CNOT2: variants seen among roughly 807,000 people sequenced by gnomAD.
CNOT2 encodes CC chemokine receptor 4-negative regulator of transcription 2.
In CNOT2, 7 loss-of-function variants were observed where a neutral mutation model predicts 72.1. That is an observed-to-expected ratio of 0.10 (90% CI 0.06 to 0.18). The LOEUF (loss-of-function observed/expected upper bound fraction) is 0.18, where lower values mean the gene tolerates loss of function less well. CNOT2 is among the 10% of genes least tolerant of loss of function. CNOT2 has a pLI of 1.00. For synonymous variants in CNOT2, 196 were observed against 225.6 expected (o/e 0.87, Z 1.17); for missense variants, 345 against 660.3 (o/e 0.52, Z 5.23).
At chr12:70,346,367 A>G (rs772601379) in intron 15 of CNOT2, 43 bp downstream of exon 15, 21 of 1,516,554 alleles carry the variant, frequency 1.4e-5, no homozygotes, top group Non-Finnish European at 1.7e-5. Flanking sequence ...CTAAACTTGA[A>G]AAAAGAAGTG....
At chr12:70,284,589 T>G (rs958663079) in intron 2 of CNOT2, among the ~76,000 whole-genome samples, 7 of 151,546 alleles carry the variant, frequency 4.6e-5, no homozygotes, top group African/African-American at 1.7e-4. Flanking sequence ...TTTTTTTTTT[T>G]TTTTTTGGCA....
At chr12:70,320,489 T>G (rs942913449) in intron 4 of CNOT2, among the ~76,000 whole-genome samples, 2 of 151,796 alleles carry the variant, frequency 1.3e-5, no homozygotes, top group African/African-American at 4.8e-5. Context: ...TAAAAGTTAT[T>G]CTGTATTAAC....
intron 2 of CNOT2, among the ~76,000 whole-genome samples, chr12:70,299,177 AC>A (rs1255144483): frequency 6.9e-6 from 1 of 145,246 alleles, no homozygotes; most frequent in Non-Finnish European, 1.5e-5. Flanking sequence ...GTGCAGGGGA[AC>A]CCCCCTGTAT....
At chr12:70,337,239 C>G in intron 8 of CNOT2, 150 bp from the exon 9 acceptor site, 1 of 551,354 alleles carries the variant, frequency 1.8e-6, no homozygotes, top group Middle Eastern at 5.0e-4. Context: ...TTCATTGTTA[C>G]CCTGGATACT....
Position 70,279,487 on chromosome 12 carries a change from T to C in CNOT2, c.48+1213T>C, listed in dbSNP as rs372471694. Among the ~76,000 whole-genome samples, 47 of 152,324 alleles carry C rather than the reference T, an allele frequency of 3.1e-4. No homozygotes were observed. The East Asian group carries it at 8.5e-3, about 27-fold the overall frequency. On this transcript the variant is annotated intron_variant, in intron 2 of 15. Coordinates refer to ENST00000229195, the MANE Select transcript of CNOT2 (RefSeq NM_014515.7). ...CTGAATCAGTTTTCTCTGTAACCTT[T>C]CTTCTGAGTTGTCCTCATAGACTTG...
chr12:70,264,557 CCT>C (rs1475627235), intron 1 of CNOT2, among the ~76,000 whole-genome samples: 1 of 152,086 alleles, frequency 6.6e-6, no homozygotes, highest in Non-Finnish European at 1.5e-5. Context: ...AAATGGGGCC[CCT>C]GTGTTCTAGG....
chr12:70,343,112 G>A (rs530507816), intron 13 of CNOT2, among the ~76,000 whole-genome samples: 18 of 152,184 alleles, frequency 1.2e-4, no homozygotes, highest in Admixed American at 3.9e-4. Flanking sequence ...TTCTATTTGC[G>A]GATTGTGTGA....
intron 1 of CNOT2, among the ~76,000 whole-genome samples, chr12:70,249,302 C>CT (rs1199818503): frequency 2.6e-5 from 4 of 151,826 alleles, no homozygotes. Context: ...TTCCAAGCAC[C>CT]TGACTACTTT....
At chr12:70,352,834 C>T (rs1276559172) in intron 15 of CNOT2, among the ~76,000 whole-genome samples, 2 of 152,024 alleles carry the variant, frequency 1.3e-5, no homozygotes, top group African/African-American at 4.8e-5. Context: ...AATTATGTCA[C>T]CATTCTTAAA....
chr12:70,342,896 G>C (rs1453133167), intron 13 of CNOT2, among the ~76,000 whole-genome samples: 2 of 152,082 alleles, frequency 1.3e-5, no homozygotes, highest in African/African-American at 4.8e-5. Flanking sequence ...CTACAATTTA[G>C]TGAAAAAATA....
intron 8 of CNOT2, 136 bp downstream of exon 8, chr12:70,335,699 T>G: frequency 1.7e-6 from 1 of 581,636 alleles, no homozygotes; most frequent in East Asian, 3.0e-5. Flanking sequence ...GTTAGTGTAA[T>G]TTTTTCAGAA....
At chr12:70,282,999 A>G (rs1870140154) in intron 2 of CNOT2, among the ~76,000 whole-genome samples, 1 of 152,332 alleles carries the variant, frequency 6.6e-6, no homozygotes, top group South Asian at 2.1e-4. Flanking sequence ...CTTAATATAA[A>G]CAGAAACAAA....
At position 70,281,151 on chromosome 12, in the gene CNOT2, G is replaced by T. The variant is rs979290575; in HGVS notation, c.48+2877G>T. ...CTGTCACCCAGGCTGGAGTGCAGTG[G>T]TGCGCTCACTGCAACCTCCGCCTCC... On this transcript the variant is annotated intron_variant, in intron 2 of 15. Transcript: ENST00000229195. Among the ~76,000 whole-genome samples the T allele has an allele frequency of 3.3e-5, 5 of 150,104 alleles. No homozygotes were observed. In the East Asian group the frequency reaches 9.9e-4, roughly 30 times the overall value.
intron 14 of CNOT2, 43 bp from the exon 15 acceptor site, chr12:70,346,137 G>C: frequency 7.2e-7 from 1 of 1,389,062 alleles, no homozygotes; most frequent in Non-Finnish European, 1.0e-6. Context: ...TTTGATGTAA[G>C]CCACAGGAAA....
chr12:70,305,588 C>T (rs1389949293), intron 2 of CNOT2, among the ~76,000 whole-genome samples: 3 of 152,158 alleles, frequency 2.0e-5, no homozygotes, highest in Non-Finnish European at 4.4e-5. Context: ...TTACAGACAG[C>T]ATTTTTGAGA....
intron 13 of CNOT2, among the ~76,000 whole-genome samples, chr12:70,343,146 G>C (rs565318959): frequency 1.3e-5 from 2 of 152,214 alleles, no homozygotes; most frequent in Admixed American, 6.5e-5. Context: ...CCACTGTAGA[G>C]CTCTTTCGCT....
intron 2 of CNOT2, among the ~76,000 whole-genome samples, chr12:70,284,576 C>CTTTT (rs34386691): frequency 8.4e-5 from 8 of 94,984 alleles, no homozygotes; most frequent in African/African-American, 1.3e-4. Context: ...AAAATTTGAC[C>CTTTT]TTTTTTTTTT....
chr12:70,283,236 G>A (rs1870184090), intron 2 of CNOT2, among the ~76,000 whole-genome samples: 13 of 152,050 alleles, frequency 8.5e-5, no homozygotes, highest in Admixed American at 8.5e-4. Context: ...CAGCACCAAA[G>A]CATCTTAGAA....
chr12:70,288,511 G>C (rs1394117329), intron 2 of CNOT2, among the ~76,000 whole-genome samples: 1 of 152,088 alleles, frequency 6.6e-6, no homozygotes, highest in Admixed American at 6.6e-5. Flanking sequence ...TTCTCCTTTA[G>C]GGATATAAGC....
Sources: allele counts gnomAD v4.1 joint callset (sites outside exome capture counted in the v4.1 genomes callset), GRCh38; gene constraint gnomAD v4.1.1; transcripts MANE v1.5; gene names NCBI Gene and HGNC (gene_info 2026-07-23, HGNC 2026-07-21).